Variants in BCAT1 observed in about 807,000 individuals in gnomAD.
BCAT1 encodes the protein branched chain amino acid transaminase 1, also known as branched-chain-amino-acid aminotransferase, cytosolic.
Under a neutral mutation model 52.4 loss-of-function variants are expected in BCAT1, and 48 were observed. That is an observed-to-expected ratio of 0.92 (90% CI 0.73 to 1.16). BCAT1 has a LOEUF of 1.16. Ranked by LOEUF, BCAT1 falls within the 50% of genes most tolerant of loss-of-function variation. The pLI is 0.00. For missense variants in BCAT1, 451 were observed against 457.1 expected, an observed-to-expected ratio of 0.99 and a Z score of 0.12; for synonymous variants, 167 against 161.3, an observed-to-expected ratio of 1.04 and a Z score of -0.27.
Position 24,891,915 on chromosome 12 carries a change from A to ATTT in BCAT1, c.279+2357_279+2359dup, listed in dbSNP as rs10616253. Among the ~76,000 whole-genome samples, 734 of 144,346 alleles carry ATTT rather than the reference A, an allele frequency of 5.1e-3. 3 individuals are homozygous for ATTT. The highest frequency in any genetic ancestry group is 0.018 in the African/African-American group (713 of 39,242). The allele number at this position is 144,346 out of a possible 152,430, so 94.7% of individuals were successfully genotyped here. A position where few individuals can be genotyped will look rare whatever the true frequency, so the allele number is the denominator to read the frequency against. On this transcript the variant is annotated intron_variant, in intron 3 of 10. Coordinates refer to ENST00000261192, the MANE Select transcript of BCAT1 (RefSeq NM_005504.7). Reference sequence around the variant, plus strand: ...AGGCGCCTGCCACCACGCCCGGCTAATTTTTTTTTTTTTTTCTATTTTTAG... The same window carrying ATTT: ...AGGCGCCTGCCACCACGCCCGGCTAATTTTTTTTTTTTTTTTTTCTATTTTTAG...
chr12:24,885,266 G>T (rs932388135), intron 3 of BCAT1, among the ~76,000 whole-genome samples: 8 of 152,028 alleles, frequency 5.3e-5, no homozygotes, highest in African/African-American at 1.7e-4. Flanking sequence ...TGTAATAGCA[G>T]CAGTTAAAAA....
At chr12:24,828,726 C>T (rs1940512752) in intron 10 of BCAT1, among the ~76,000 whole-genome samples, 1 of 152,152 alleles carries the variant, frequency 6.6e-6, no homozygotes, top group Non-Finnish European at 1.5e-5. Flanking sequence ...AGTATACTGG[C>T]TGGGCATGGT....
intron 5 of BCAT1, among the ~76,000 whole-genome samples, chr12:24,876,986 G>A (rs1375152162): frequency 6.6e-6 from 1 of 151,978 alleles, no homozygotes; most frequent in Non-Finnish European, 1.5e-5. Flanking sequence ...ATCTTAAAAT[G>A]TCAAAAAACT....
chr12:24,933,508 T>A (rs1943709657), intron 1 of BCAT1, among the ~76,000 whole-genome samples: 1 of 152,098 alleles, frequency 6.6e-6, no homozygotes, highest in Admixed American at 6.5e-5. Context: ...CACCCTCTGA[T>A]ATGGTTTGGT....
rs759744435 is a variant in BCAT1 at position 24,837,140 on chromosome 12, G to A, written c.818-544C>T. Among the ~76,000 whole-genome samples the A allele has an allele frequency of 2.0e-5, 3 of 148,172 alleles. 1 individual carries two copies. The highest frequency in any genetic ancestry group is 4.5e-5 in the Non-Finnish European group (3 of 66,490). On this transcript the variant is annotated intron_variant, in intron 7 of 10. Transcript: ENST00000261192. ...AGGAAGGGAGGAAGGGGGGAGGGAA[G>A]GAAGGAAAGTTATCTAATCATCTTC... is the stretch of plus-strand genomic sequence containing the variant.
At chr12:24,917,403 C>T (rs1943433893) in intron 1 of BCAT1, among the ~76,000 whole-genome samples, 2 of 152,112 alleles carry the variant, frequency 1.3e-5, no homozygotes, top group Admixed American at 1.3e-4. Flanking sequence ...AGGATGGTCT[C>T]GATCTCCTGA....
At chr12:24,878,957 C>T (rs1259428694) in intron 4 of BCAT1, among the ~76,000 whole-genome samples, 1 of 151,890 alleles carries the variant, frequency 6.6e-6, no homozygotes, top group African/African-American at 2.4e-5. Context: ...TTCTGATTTT[C>T]CCCCCAAAAA....
chr12:24,820,167 T>C (rs1392806553), intron 10 of BCAT1, among the ~76,000 whole-genome samples: 2 of 152,202 alleles, frequency 1.3e-5, no homozygotes. Context: ...TTGATTACAA[T>C]GACAGTCGTA....
intron 1 of BCAT1, among the ~76,000 whole-genome samples, chr12:24,913,126 C>T (rs1943356504): frequency 6.6e-6 from 1 of 152,008 alleles, no homozygotes; most frequent in Non-Finnish European, 1.5e-5. Flanking sequence ...TGCCACAGAA[C>T]CTAAAACAGC....
rs1697300921 is a variant in BCAT1, at chr12:24,811,565, A to G, written c.*6443T>C. 6.6e-6 allele frequency: 1 copy of G among 152,104 alleles called. No individual in the cohort carries two copies. Among genetic ancestry groups the G allele is most frequent in the Admixed American group, 6.6e-5 (1 of 15,258 alleles). The allele number at this position is 152,104 out of a possible 1,614,324, so 9.4% of individuals were successfully genotyped here. On this transcript the variant is annotated 3_prime_UTR_variant, in exon 11 of 11. Coordinates refer to ENST00000261192, the MANE Select transcript of BCAT1 (RefSeq NM_005504.7). ...AGATGTTTAATTGTGCTTCTACAAA[A>G]CCTTCAGAGCATGAGGTAGTTTCCT...
At chr12:24,946,614 C>T (rs1284080821) in intron 1 of BCAT1, among the ~76,000 whole-genome samples, 1 of 152,192 alleles carries the variant, frequency 6.6e-6, no homozygotes, top group African/African-American at 2.4e-5. Context: ...TAAATAATTA[C>T]TCCTGCGCAT....
intron 1 of BCAT1, among the ~76,000 whole-genome samples, chr12:24,911,373 C>T (rs531518717): frequency 1.6e-3 from 246 of 152,244 alleles, no homozygotes; most frequent in African/African-American, 5.7e-3. Flanking sequence ...AGAATGAATG[C>T]GCAGGGCTAC....
At chr12:24,897,323 G>A (rs1008932191) in intron 2 of BCAT1, among the ~76,000 whole-genome samples, 4 of 152,170 alleles carry the variant, frequency 2.6e-5, no homozygotes, top group Non-Finnish European at 4.4e-5. Context: ...CGGCAAAGCA[G>A]GGATAGAATA....
intron 8 of BCAT1, chr12:24,834,201 T>G (rs1168106367): frequency 2.0e-6 from 2 of 977,662 alleles, no homozygotes; most frequent in Non-Finnish European, 2.4e-6. Context: ...AAACGTTGAA[T>G]GTATATTTGG....
Position 24,817,135 on chromosome 12 carries a change from T to C in BCAT1, c.*873A>G, listed in dbSNP as rs537232665. The C allele has an allele frequency of 6.6e-6, 1 of 152,438 alleles. No individual in the cohort carries two copies. Among genetic ancestry groups the C allele is most frequent in the Non-Finnish European group, 1.5e-5 (1 of 68,104 alleles). The allele number at this position is 152,438 out of a possible 1,614,324, so 9.4% of individuals were successfully genotyped here. ...CTTCAGAGTATCTCTAATGACTTAG[T>C]AGCTCATGGAAAATAAAGACAATAT... On this transcript the variant is annotated 3_prime_UTR_variant, in exon 11 of 11. Coordinates refer to ENST00000261192, the MANE Select transcript of BCAT1 (RefSeq NM_005504.7).
At chr12:24,873,529 C>A (rs1942242493) in intron 5 of BCAT1, among the ~76,000 whole-genome samples, 1 of 152,106 alleles carries the variant, frequency 6.6e-6, no homozygotes, top group South Asian at 2.1e-4. Context: ...CAGTGATTAT[C>A]CTGTATTATG....
chr12:24,898,432 T>A (rs1565489376), intron 2 of BCAT1, among the ~76,000 whole-genome samples: 1 of 151,098 alleles, frequency 6.6e-6, no homozygotes, highest in Non-Finnish European at 1.5e-5. Flanking sequence ...TGGGTAATCA[T>A]TTGTTCTGAA....
At chr12:24,866,374 C>T (rs974727495) in intron 5 of BCAT1, among the ~76,000 whole-genome samples, 1 of 151,692 alleles carries the variant, frequency 6.6e-6, no homozygotes, top group Non-Finnish European at 1.5e-5. Flanking sequence ...CTGAGCCTCC[C>T]GCCCCCCGCC....
intron 3 of BCAT1, among the ~76,000 whole-genome samples, chr12:24,892,773 A>C (rs1591846847): frequency 6.6e-6 from 1 of 152,196 alleles, no homozygotes; most frequent in Admixed American, 6.5e-5. Flanking sequence ...GGTTTGCTTG[A>C]GCCCAGGAGT....
Sources: allele counts gnomAD v4.1 joint callset (sites outside exome capture counted in the v4.1 genomes callset), GRCh38; gene constraint gnomAD v4.1.1; transcripts MANE v1.5; gene names NCBI Gene and HGNC (gene_info 2026-07-23, HGNC 2026-07-21).